RPL3: variants seen among roughly 807,000 people sequenced by gnomAD.
RPL3 encodes the protein large ribosomal subunit protein uL3.
Under a neutral mutation model 46.0 loss-of-function variants are expected in RPL3, and 3 were observed. The observed-to-expected ratio is 0.07, with a 90% CI of 0.03 to 0.17. The LOEUF is 0.17. Ranked by LOEUF, RPL3 falls within the 10% of genes least tolerant of loss-of-function variation. The pLI, the probability that RPL3 is intolerant of heterozygous loss-of-function variation, is 1.00. For synonymous variants in RPL3, 224 were observed against 190.8 expected, an observed-to-expected ratio of 1.17 and a Z score of -1.43; for missense variants, 387 against 532.7, an observed-to-expected ratio of 0.73 and a Z score of 2.69.
At position 39,318,387 on chromosome 22, in the gene RPL3, T is replaced by C. The variant is rs913108614; in HGVS notation, c.196+13A>G. The C allele has an allele frequency of 2.5e-6, 4 of 1,612,892 alleles. No homozygotes were observed. In the African/African-American group the frequency reaches 5.3e-5, roughly 22 times the overall value. On this transcript the variant is annotated intron_variant, in intron 2 of 9. Transcript: ENST00000216146. ...ACTCCTATTCCCCCAACTTTTAGGATGTCTGTACATACTGGATCCCGGCCT... is the reference window on the plus strand; with the variant it reads ...ACTCCTATTCCCCCAACTTTTAGGACGTCTGTACATACTGGATCCCGGCCT...
intron 5 of RPL3, 198 bp from the exon 6 acceptor site, chr22:39,315,044 C>T (rs1405329555): frequency 2.7e-6 from 2 of 744,096 alleles, no homozygotes; most frequent in Non-Finnish European, 4.4e-6. Context: ...TGAATGGGTG[C>T]TTTTTAAGGC....
chr22:39,319,561 G>A lies in RPL3; in HGVS notation c.3+34C>T, dbSNP rs535912603. The A allele has an allele frequency of 5.1e-6, 8 of 1,562,332 alleles. No individual in the cohort carries two copies. The African/African-American group carries it at 5.4e-5, about 11-fold the overall frequency. ...CGCGGATTCAGCCGTGCCGACGCCG[G>A]TGACAATGAAACGGCCGCCATTACA... is the stretch of plus-strand genomic sequence containing the variant. On this transcript the variant is annotated intron_variant, in intron 1 of 9. Coordinates refer to ENST00000216146, the MANE Select transcript of RPL3 (RefSeq NM_000967.4).
chr22:39,319,114 G>A lies in RPL3; in HGVS notation c.3+481C>T, dbSNP rs1179005882. 5.6e-6 allele frequency: 3 copies of A among 539,320 alleles called. No homozygotes were observed. The African/African-American group carries it at 5.8e-5, about 10-fold the overall frequency. 33.4% of individuals were successfully genotyped at this position (539,320 alleles called of 1,614,324 possible). A position where few individuals can be genotyped will look rare whatever the true frequency, so the allele number is the denominator to read the frequency against. On this transcript the variant is annotated intron_variant, in intron 1 of 9. Transcript: ENST00000216146. ...CCCGTCAATAAGTTCATCATCTGTG[G>A]TTTCTGCGAGCTCCAGAGGCCTTCG...
chr22:39,314,376 TGTAA>T, intron 6 of RPL3, 168 bp from the exon 7 acceptor site: 1 of 663,904 alleles, frequency 1.5e-6, no homozygotes, highest in South Asian at 1.9e-5. Flanking sequence ...GGTTCCTTTC[TGTAA>T]GGCGGCTGGG....
At position 39,315,505 on chromosome 22, in the gene RPL3, C is replaced by T; in HGVS notation, c.552G>A (p.Gln184=). ...RQKKAHLMEI[Q]VNGGTVAEKL... ...TCTCGGCCACAGTGCCTCCGTTCAC[C>T]TGGATCTCCATCAGGTGGGCCTTCT... The change falls in exon 5 of 10, where the codon CAG becomes CAA. Residue 184 remains glutamine (Q), a synonymous_variant. Coordinates refer to ENST00000216146, the MANE Select transcript of RPL3 (RefSeq NM_000967.4). The T allele has an allele frequency of 1.2e-6, 2 of 1,614,162 alleles. No homozygotes were observed. Among genetic ancestry groups the T allele is most frequent in the South Asian group, 1.1e-5 (1 of 91,088 alleles).
chr22:39,315,929 G>A (rs548093694), intron 4 of RPL3, among the ~76,000 whole-genome samples: 1 of 152,188 alleles, frequency 6.6e-6, no homozygotes, highest in Non-Finnish European at 1.5e-5. Context: ...GCTTTTGAGA[G>A]AGCACAAGCT....
chr22:39,319,509 G>T lies in RPL3; in HGVS notation c.3+86C>A, dbSNP rs116153722. The T allele has an allele frequency of 2.2e-3, 3,427 of 1,539,538 alleles. 71 individuals are homozygous for T. The African/African-American group carries it at 0.041, about 18-fold the overall frequency. ...GCCCCTAAAGCAAACCCCCGGCGCC[G>T]GCCAAGACGGGATGGCGGCGATGCG... On this transcript the variant is annotated intron_variant, in intron 1 of 9. Transcript: ENST00000216146.
At chr22:39,319,345 G>A (rs887603860) in intron 1 of RPL3, 6 of 606,338 alleles carry the variant, frequency 9.9e-6, no homozygotes, top group African/African-American at 3.7e-5. Context: ...AAAAACGCCG[G>A]GCCTCCAAGC....
At chr22:39,314,001 G>C (rs1922522464) in intron 7 of RPL3, 106 bp downstream of exon 7, 1 of 947,404 alleles carries the variant, frequency 1.1e-6, no homozygotes, top group Non-Finnish European at 1.7e-6. Context: ...GCTAGGTGTT[G>C]TGTTGGCTTC....
intron 5 of RPL3, 127 bp from the exon 6 acceptor site, chr22:39,314,973 A>AC: frequency 7.6e-7 from 1 of 1,319,470 alleles, no homozygotes; most frequent in Non-Finnish European, 1.0e-6. Context: ...CATGTGCATT[A>AC]CCCACAGGTC....
At chr22:39,313,494 T>C in intron 8 of RPL3, 140 bp downstream of exon 8, 1 of 1,252,466 alleles carries the variant, frequency 8.0e-7, no homozygotes, top group African/African-American at 1.5e-5. Context: ...TTTCCTCATC[T>C]CAGGACTTCA....
intron 6 of RPL3, 118 bp from the exon 7 acceptor site, chr22:39,314,326 C>A: frequency 1.1e-6 from 1 of 881,790 alleles, no homozygotes. Context: ...CCAGTCACAG[C>A]GTATCCCAAG....
intron 3 of RPL3, 99 bp downstream of exon 3, chr22:39,317,362 T>G (rs1922765655): frequency 7.3e-7 from 1 of 1,370,044 alleles, no homozygotes; most frequent in African/African-American, 1.4e-5. Context: ...AGACAGCAGC[T>G]CCCTGCCTGC....
Position 39,317,529 on chromosome 22 carries a change from G to A in RPL3, c.297C>T (p.Leu99=). ...CAGCAAAGACAGTCTTGAAGGTCCG[G>A]AGGCCTCGAGGGGTTTCCACGTAGC... ...IVGYVETPRG[L]RTFKTVFAEH... The change falls in exon 3 of 10, where the codon CTC becomes CTT. Residue 99 remains leucine (L), a synonymous_variant. Transcript: ENST00000216146. 2.5e-6 allele frequency: 4 copies of A among 1,613,950 alleles called. No homozygotes were observed. The highest frequency in any genetic ancestry group is 2.5e-6 in the Non-Finnish European group (3 of 1,179,858).
In RPL3 at chr22:39,318,522, T is replaced by A. The variant is rs1357140249; in HGVS notation, c.74A>T (p.His25Leu). Residue 25 changes from histidine to leucine, a missense_variant, in exon 2 of 10, where the codon CAT becomes CTT. His to Leu is a moderately conservative substitution (Grantham distance 99). Transcript: ENST00000216146. ...GFLPRKRSSR[H>L]RGKVKSFPKD... ...AGGGAAGCTCTTCACCTTCCCACGA[T>A]GCCTGCTGCTGCGCTTCCGAGGCAG... 1 of 1,613,726 alleles carries A rather than the reference T, an allele frequency of 6.2e-7. No homozygotes were observed.
At chr22:39,315,697 G>A (rs1922643410) in intron 4 of RPL3, 142 bp from the exon 5 acceptor site, 1 of 962,454 alleles carries the variant, frequency 1.0e-6, no homozygotes, top group African/African-American at 1.6e-5. Context: ...ACCTCACCAA[G>A]AGGAAGGAAC....
At chr22:39,319,124 G>A (rs761039658) in intron 1 of RPL3, 5 of 540,450 alleles carry the variant, frequency 9.3e-6, no homozygotes, top group Non-Finnish European at 1.9e-5. Context: ...GTTTCTGCGA[G>A]CTCCAGAGGC....
At chr22:39,318,110 A>AC in intron 2 of RPL3, 1 of 422,888 alleles carries the variant, frequency 2.4e-6, no homozygotes, top group Non-Finnish European at 4.3e-6. Flanking sequence ...AGCAGCTCCA[A>AC]CCCCCCACAC....
At chr22:39,318,740 C>T in intron 1 of RPL3, 148 bp from the exon 2 acceptor site, 1 of 662,808 alleles carries the variant, frequency 1.5e-6, no homozygotes, top group Non-Finnish European at 2.5e-6. Flanking sequence ...ATTATCTCTT[C>T]CAGGCTCGCA....
Sources: allele counts gnomAD v4.1 joint callset (sites outside exome capture counted in the v4.1 genomes callset), GRCh38; gene constraint gnomAD v4.1.1; transcripts MANE v1.5; gene names NCBI Gene and HGNC (gene_info 2026-07-23, HGNC 2026-07-21).